TRIO: variants seen among roughly 807,000 people sequenced by gnomAD.
TRIO encodes the protein triple functional domain protein.
TRIO carries 58 observed loss-of-function variants against 351.9 expected under a neutral mutation model. That is an observed-to-expected ratio of 0.16 (90% CI 0.13 to 0.21). The LOEUF is 0.21. TRIO is among the 10% of genes least tolerant of loss of function. TRIO has a pLI of 1.00. For missense variants in TRIO, 3,201 were observed against 4,027.8 expected, an observed-to-expected ratio of 0.79 and a Z score of 5.56; for synonymous variants, 1,758 against 1,595.7, an observed-to-expected ratio of 1.10 and a Z score of -2.42.
At chr5:14,393,284 C>T (rs1747269679) in intron 27 of TRIO, among the ~76,000 whole-genome samples, 2 of 152,060 alleles carry the variant, frequency 1.3e-5, no homozygotes, top group Non-Finnish European at 2.9e-5. Flanking sequence ...AGAAGAAATA[C>T]CTAATGTACA....
chr5:14,264,531 AATAAT>A (rs1336388710), intron 1 of TRIO, among the ~76,000 whole-genome samples: 2 of 152,236 alleles, frequency 1.3e-5, no homozygotes, highest in African/African-American at 4.8e-5. Context: ...ATGTTAAAAA[AATAAT>A]ATAAGCATTG....
intron 1 of TRIO, among the ~76,000 whole-genome samples, chr5:14,168,492 C>A (rs1788911966): frequency 6.6e-6 from 1 of 152,216 alleles, no homozygotes; most frequent in Admixed American, 6.5e-5. Flanking sequence ...TAAATCGGTT[C>A]ATTTCTCCTT....
At position 14,479,900 on chromosome 5, in the gene TRIO, C is replaced by A. The variant is rs763558790; in HGVS notation, c.6244-19C>A. On this transcript the variant is annotated intron_variant, in intron 42 of 56. Coordinates refer to ENST00000344204, the MANE Select transcript of TRIO (RefSeq NM_007118.4). ...TAATGAACAGCCCATACGATCTTTT[C>A]TCTCTCTTAAAACTGTAGGACTTAA... is the stretch of plus-strand genomic sequence containing the variant. 28 of 1,612,084 alleles carry A rather than the reference C, an allele frequency of 1.7e-5. No homozygotes were observed. The African/African-American group carries it at 3.3e-4, about 19-fold the overall frequency.
chr5:14,494,510 A>G (rs1342459388), intron 49 of TRIO, among the ~76,000 whole-genome samples: 1 of 152,238 alleles, frequency 6.6e-6, no homozygotes, highest in Non-Finnish European at 1.5e-5. Context: ...GGAGATGTGC[A>G]AGGAGATTCG....
At chr5:14,392,253 C>A (rs966785961) in intron 27 of TRIO, among the ~76,000 whole-genome samples, 3 of 148,992 alleles carry the variant, frequency 2.0e-5, no homozygotes, top group Non-Finnish European at 2.9e-5. Context: ...AAAAAAAAAA[C>A]CTATCAAAAA....
chr5:14,214,859 T>A (rs1174248372), intron 1 of TRIO, among the ~76,000 whole-genome samples: 1 of 152,092 alleles, frequency 6.6e-6, no homozygotes, highest in East Asian at 1.9e-4. Context: ...ACATCCTACC[T>A]TAAGTCATTT....
At chr5:14,242,631 G>A (rs1470689096) in intron 1 of TRIO, among the ~76,000 whole-genome samples, 1 of 152,156 alleles carries the variant, frequency 6.6e-6, no homozygotes, top group African/African-American at 2.4e-5. Flanking sequence ...CTGGAGTACG[G>A]TGGCAGGATC....
chr5:14,487,863 T>C lies in TRIO; in HGVS notation c.7235T>C (p.Met2412Thr), dbSNP rs945042285. 14 of 1,532,824 alleles carry C rather than the reference T, an allele frequency of 9.1e-6. No individual in the cohort carries two copies. The African/African-American group carries it at 1.3e-4, about 14-fold the overall frequency. 95.0% of individuals were successfully genotyped at this position (1,532,824 alleles called of 1,614,324 possible). ...SEREAEPIPK[M>T]KVLESPRKGA... ...CGAGAAGCGGAGCCGATCCCCAAGA[T>C]GAAGGTGCTGGAGAGCCCCAGGAAA... is the stretch of plus-strand genomic sequence containing the variant. The change falls in exon 48 of 57, where the codon ATG becomes ACG. Residue 2412 changes from methionine to threonine, a missense_variant. Met to Thr is a moderately conservative substitution (Grantham distance 81). This residue lies in a region of TRIO where 1,089 missense variants were observed against 954.9 expected (regional missense o/e 1.14). Transcript: ENST00000344204.
chr5:14,315,129 G>C (rs1739267381), intron 8 of TRIO, among the ~76,000 whole-genome samples: 1 of 152,102 alleles, frequency 6.6e-6, no homozygotes, highest in Non-Finnish European at 1.5e-5. Context: ...ACCAGGTTTT[G>C]GTTTAAAGGC....
chr5:14,177,760 T>C lies in TRIO; in HGVS notation c.157+33878T>C, dbSNP rs190698067. Among the ~76,000 whole-genome samples, 934 of 152,280 alleles carry C rather than the reference T, an allele frequency of 6.1e-3. 8 individuals are homozygous for C. Among genetic ancestry groups the C allele is most frequent in the African/African-American group, 0.021 (886 of 41,552 alleles). On this transcript the variant is annotated intron_variant, in intron 1 of 56. Transcript: ENST00000344204. ...GGGCTTGGGTGCCTAGGAGTTTCCCTTCTGCCTGTCTTGAGGGCTGAGTAT... is the reference window on the plus strand; with the variant it reads ...GGGCTTGGGTGCCTAGGAGTTTCCCCTCTGCCTGTCTTGAGGGCTGAGTAT...
chr5:14,393,056 GAAAA>G lies in TRIO; in HGVS notation c.4219-970_4219-967del, dbSNP rs550792228. ...AGCGAGACTCCATCTCAAAAAGAAA[GAAAA>G]AAAAAAAAAAAGGATGGGTTCATGT... On this transcript the variant is annotated intron_variant, in intron 27 of 56. Transcript: ENST00000344204. 1.4e-3 allele frequency among the ~76,000 whole-genome samples: 137 copies of G among 97,046 alleles called. 1 individual carries two copies. Among genetic ancestry groups the G allele is most frequent in the Middle Eastern group, 6.7e-3 (1 of 150 alleles). 63.7% of individuals were successfully genotyped at this position (97,046 alleles called of 152,430 possible). A position where few individuals can be genotyped will look rare whatever the true frequency, so the allele number is the denominator to read the frequency against.
intron 11 of TRIO, among the ~76,000 whole-genome samples, chr5:14,352,866 C>T (rs778029443): frequency 2.8e-5 from 4 of 144,210 alleles, no homozygotes; most frequent in Non-Finnish European, 4.5e-5. Context: ...CAGGATGTTG[C>T]GGGGAATACG....
At chr5:14,426,237 T>C (rs1203505565) in intron 34 of TRIO, among the ~76,000 whole-genome samples, 1 of 152,068 alleles carries the variant, frequency 6.6e-6, no homozygotes, top group Admixed American at 6.6e-5. Flanking sequence ...TACACACACA[T>C]GTGCACACAC....
intron 7 of TRIO, among the ~76,000 whole-genome samples, chr5:14,299,428 C>T (rs144494337): frequency 2.3e-4 from 35 of 152,210 alleles, no homozygotes; most frequent in African/African-American, 7.7e-4. Context: ...CAGACCTTAA[C>T]GAAGCAACAA....
chr5:14,224,591 G>C (rs1179035246), intron 1 of TRIO, among the ~76,000 whole-genome samples: 1 of 152,078 alleles, frequency 6.6e-6, no homozygotes, highest in Admixed American at 6.5e-5. Flanking sequence ...AATGAGTTAC[G>C]AGGGATAGTC....
intron 41 of TRIO, 80 bp from the exon 42 acceptor site, chr5:14,479,181 G>T: frequency 8.4e-7 from 1 of 1,188,930 alleles, no homozygotes; most frequent in Non-Finnish European, 1.3e-6. Context: ...TTATGAATGT[G>T]CTGAAATGTG....
intron 1 of TRIO, among the ~76,000 whole-genome samples, chr5:14,158,983 A>C (rs1788270414): frequency 6.6e-6 from 1 of 152,238 alleles, no homozygotes. Flanking sequence ...TGATAACATT[A>C]TACCTGAGGA....
intron 1 of TRIO, among the ~76,000 whole-genome samples, chr5:14,226,104 C>T (rs960465255): frequency 6.6e-6 from 1 of 152,088 alleles, no homozygotes; most frequent in African/African-American, 2.4e-5. Context: ...AATGCCGGAG[C>T]TCACACAGGA....
intron 20 of TRIO, 103 bp from the exon 21 acceptor site, chr5:14,381,009 AATGCTTCTCGATGCTGCC>A: frequency 7.6e-7 from 1 of 1,315,004 alleles, no homozygotes; most frequent in Non-Finnish European, 1.0e-6. Flanking sequence ...TCTGGGAGGG[AATGCTTCTCGATGCTGCC>A]AGCCTTGGTT....
Sources: allele counts gnomAD v4.1 joint callset (sites outside exome capture counted in the v4.1 genomes callset), GRCh38; gene constraint gnomAD v4.1.1; regional missense constraint gnomAD v4.1.1; transcripts MANE v1.5; gene names NCBI Gene and HGNC (gene_info 2026-07-23, HGNC 2026-07-21).